The following PACRGL variants were observed in gnomAD, a reference collection of about 807,000 sequenced individuals.
The protein encoded by PACRGL is PACRG-like protein.
In PACRGL, 38 loss-of-function variants were observed where a neutral mutation model predicts 34.5. That is an observed-to-expected ratio of 1.10 (90% CI 0.85 to 1.44). The LOEUF (loss-of-function observed/expected upper bound fraction) is 1.44, where lower values mean the gene tolerates loss of function less well. PACRGL is among the 40% of genes most tolerant of loss of function. PACRGL has a pLI of 0.00. For synonymous variants in PACRGL, 128 were observed against 100.1 expected, an observed-to-expected ratio of 1.28 and a Z score of -1.66; for missense variants, 305 against 281.4, an observed-to-expected ratio of 1.08 and a Z score of -0.60.
chr4:20,743,697 G>C (rs201862811), intron 8 of PACRGL, among the ~76,000 whole-genome samples: 1,801 of 152,128 alleles, frequency 0.012, 21 homozygotes, highest in East Asian at 0.035. Flanking sequence ...TACCATTCAG[G>C]ACATAGGCAT....
At chr4:20,723,655 T>G (rs1385355114) in intron 7 of PACRGL, among the ~76,000 whole-genome samples, 1 of 152,138 alleles carries the variant, frequency 6.6e-6, no homozygotes, top group Non-Finnish European at 1.5e-5. Context: ...TACATTTGTT[T>G]TGTTTTCTAA....
Position 20,729,751 on chromosome 4 carries a change from A to G in PACRGL, c.*2410A>G, listed in dbSNP as rs562164951. The G allele has an allele frequency of 7.1e-4, 151 of 212,722 alleles. 1 individual carries two copies. Among genetic ancestry groups the G allele is most frequent in the Non-Finnish European group, 1.1e-3 (119 of 107,988 alleles). 13.2% of individuals were successfully genotyped at this position (212,722 alleles called of 1,614,324 possible). Reference sequence around the variant, plus strand: ...TACAAATGAGTAGCAAAAAACACTGATATTTTAAAATCACTGATATGTGAA... The same window carrying G: ...TACAAATGAGTAGCAAAAAACACTGGTATTTTAAAATCACTGATATGTGAA... On this transcript the variant is annotated 3_prime_UTR_variant, in exon 9 of 9. Transcript: ENST00000503585.
intron 8 of PACRGL, among the ~76,000 whole-genome samples, chr4:20,744,586 G>T (rs570051802): frequency 6.6e-6 from 1 of 151,786 alleles, no homozygotes; most frequent in East Asian, 2.0e-4. Context: ...TTGGACATAG[G>T]ATGGAGAACA....
intron 8 of PACRGL, among the ~76,000 whole-genome samples, chr4:20,746,755 A>G (rs960054891): frequency 6.6e-6 from 1 of 152,162 alleles, no homozygotes; most frequent in South Asian, 2.1e-4. Flanking sequence ...CAAAATGGAG[A>G]TTAGATCCCA....
chr4:20,763,879 C>T, the PACRGL span, among the ~76,000 whole-genome samples: 2 of 152,084 alleles, frequency 1.3e-5, no homozygotes, highest in Admixed American at 1.3e-4. Flanking sequence ...TGAAGATTAT[C>T]AAGTCATTTA....
chr4:20,709,723 T>C lies in PACRGL; in HGVS notation c.316T>C (p.Cys106Arg). The C allele has an allele frequency of 6.2e-7, 1 of 1,610,716 alleles. No homozygotes were observed. Among genetic ancestry groups the C allele is most frequent in the Non-Finnish European group, 8.5e-7 (1 of 1,177,370 alleles). The change falls in exon 5 of 9, where the codon TGT (cysteine) becomes CGT (arginine). Residue 106 changes from cysteine (C) to arginine (R), a missense_variant. Coordinates refer to ENST00000503585, the MANE Select transcript of PACRGL (RefSeq NM_001258345.3). ...AGTAAAACACAGATTACAGTGGGAA[T>C]GTCCTCCTGAAAGTCTTTCATTTGA... The part of the protein sequence containing the change: ...GSVKHRLQWE[C>R]PPESLSFDPL...
chr4:20,734,679 A>AT, downstream of PACRGL: 1 of 1,603,888 alleles, frequency 6.2e-7, no homozygotes, highest in South Asian at 1.1e-5. Context: ...TAAATGCCCA[A>AT]TTGAGTTTTT....
downstream of PACRGL, among the ~76,000 whole-genome samples, chr4:20,757,875 A>G (rs1406930247): frequency 6.6e-6 from 1 of 152,048 alleles, no homozygotes; most frequent in Non-Finnish European, 1.5e-5. Flanking sequence ...CTCAGGTTCA[A>G]CTCATCTGGA....
chr4:20,707,489 T>G (rs1436570149), intron 3 of PACRGL, among the ~76,000 whole-genome samples: 1 of 152,212 alleles, frequency 6.6e-6, no homozygotes, highest in East Asian at 1.9e-4. Context: ...AATATACTTT[T>G]TCTGTACTTA....
At chr4:20,767,207 C>T in the PACRGL span, 1 of 152,056 alleles carries the variant, frequency 6.6e-6, no homozygotes, top group South Asian at 2.1e-4. Flanking sequence ...ATGCAATCAG[C>T]TTATGAAGTA....
At chr4:20,724,772 A>G in intron 7 of PACRGL, 36 bp from the exon 8 acceptor site, 1 of 1,262,454 alleles carries the variant, frequency 7.9e-7, no homozygotes, top group Non-Finnish European at 1.1e-6. Context: ...GTTAAGTTTA[A>G]AGTCATTTCG....
chr4:20,721,356 C>T (rs1443399174), intron 7 of PACRGL, among the ~76,000 whole-genome samples: 5 of 152,146 alleles, frequency 3.3e-5, no homozygotes, highest in East Asian at 1.9e-4. Context: ...AGCTTAGTTC[C>T]GTTTCTGGTG....
downstream of PACRGL, chr4:20,734,698 G>A: frequency 1.3e-6 from 2 of 1,595,554 alleles, no homozygotes; most frequent in Non-Finnish European, 1.7e-6. Context: ...TTCTTGTACT[G>A]TCCCCCGGAG....
chr4:20,754,941 CAGAT>C (rs1560439856), downstream of PACRGL, among the ~76,000 whole-genome samples: 2 of 152,090 alleles, frequency 1.3e-5, no homozygotes, highest in African/African-American at 2.4e-5. Flanking sequence ...GGTAGGCACT[CAGAT>C]AGTAAATATA....
At chr4:20,723,626 G>T (rs1281189701) in intron 7 of PACRGL, among the ~76,000 whole-genome samples, 2 of 152,272 alleles carry the variant, frequency 1.3e-5, no homozygotes, top group Non-Finnish European at 2.9e-5. Context: ...AGAAAGAAAA[G>T]ACCAGATTAA....
At chr4:20,702,562 T>A (rs1216538508) in intron 1 of PACRGL, 1 of 162,756 alleles carries the variant, frequency 6.1e-6, no homozygotes, top group Admixed American at 6.1e-5. Flanking sequence ...ACATATATTC[T>A]TACTAGTCTT....
chr4:20,728,155 A>C lies in PACRGL; in HGVS notation c.*814A>C, dbSNP rs1353826574. ...AATGTACAATGCTTGGAAAATTTTC[A>C]GAGTATTCTAGTTTAAAAAATTTTT... is the stretch of plus-strand genomic sequence containing the variant. On this transcript the variant is annotated 3_prime_UTR_variant, in exon 9 of 9. Transcript: ENST00000503585. The C allele has an allele frequency of 1.3e-5, 2 of 152,148 alleles. No homozygotes were observed. Among genetic ancestry groups the C allele is most frequent in the African/African-American group, 4.8e-5 (2 of 41,418 alleles). The allele number at this position is 152,148 out of a possible 1,614,324, so 9.4% of individuals were successfully genotyped here.
the PACRGL span, among the ~76,000 whole-genome samples, chr4:20,761,759 C>T: frequency 2.0e-5 from 3 of 152,162 alleles, no homozygotes; most frequent in Admixed American, 2.0e-4. Context: ...ATCTGATATG[C>T]ATGTGTTTTA....
chr4:20,763,664 A>G, the PACRGL span, among the ~76,000 whole-genome samples: 1 of 152,174 alleles, frequency 6.6e-6, no homozygotes, highest in African/African-American at 2.4e-5. Context: ...GGCATGTTTG[A>G]AAGATACTCC....
Sources: gnomAD v4.1 joint callset for allele counts (sites outside exome capture counted in the v4.1 genomes callset) on GRCh38, gnomAD v4.1.1 for gene constraint, MANE v1.5 for transcripts, NCBI Gene and HGNC (gene_info 2026-07-23, HGNC 2026-07-21) for gene names.